RAB6A: variants seen among roughly 807,000 people sequenced by gnomAD.
RAB6A encodes RAB6A, member RAS oncogene family.
Under a neutral mutation model 32.3 loss-of-function variants are expected in RAB6A, and 8 were observed. The ratio of observed to expected loss-of-function variants is 0.25; its 90% CI spans 0.15 to 0.45. The LOEUF (loss-of-function observed/expected upper bound fraction) is 0.45. RAB6A is among the 20% of genes least tolerant of loss of function. RAB6A has a pLI of 1.00. For synonymous variants in RAB6A, 73 were observed against 82.1 expected, an observed-to-expected ratio of 0.89 and a Z score of 0.60; for missense variants, 104 against 249.4, an observed-to-expected ratio of 0.42 and a Z score of 3.93.
intron 1 of RAB6A, among the ~76,000 whole-genome samples, chr11:73,745,751 G>A (rs528124405): frequency 3.3e-5 from 5 of 152,020 alleles, no homozygotes; most frequent in Non-Finnish European, 7.4e-5. Context: ...AAAACTGCTC[G>A]AACCCGGGAG....
chr11:73,760,819 G>C lies in RAB6A; in HGVS notation c.-184C>G. 1.2e-6 allele frequency: 1 copy of C among 818,380 alleles called. No individual in the cohort carries two copies. Among genetic ancestry groups the C allele is most frequent in the Non-Finnish European group, 1.9e-6 (1 of 527,876 alleles). The allele number at this position is 818,380 out of a possible 1,614,324, so 50.7% of individuals were successfully genotyped here. ...TCTCCACAGACTGGCAGCCGCCGCC[G>C]CCTCCCGGCAGAGTAGCCTAGCACC... On this transcript the variant is annotated 5_prime_UTR_variant, in exon 1 of 8. Coordinates refer to ENST00000336083, the MANE Select transcript of RAB6A (RefSeq NM_198896.2).
chr11:73,683,289 T>G (rs1391770800), intron 6 of RAB6A, among the ~76,000 whole-genome samples: 1 of 143,942 alleles, frequency 6.9e-6, no homozygotes, highest in Admixed American at 7.3e-5. Context: ...ATGGTCTTGC[T>G]CTGTCACCCA....
At chr11:73,744,459 T>G (rs922323065) in intron 1 of RAB6A, among the ~76,000 whole-genome samples, 18 of 129,888 alleles carry the variant, frequency 1.4e-4, no homozygotes, top group African/African-American at 4.5e-4. Flanking sequence ...TGTAGTATAC[T>G]GTGATGACAC....
intron 6 of RAB6A, among the ~76,000 whole-genome samples, chr11:73,692,987 CA>C (rs914543199): frequency 6.8e-6 from 1 of 148,038 alleles, no homozygotes; most frequent in East Asian, 2.0e-4. Context: ...AACAAAAAAA[CA>C]AAAAACAAAA....
chr11:73,731,753 C>CT (rs1213519859), intron 1 of RAB6A, among the ~76,000 whole-genome samples: 7 of 106,216 alleles, frequency 6.6e-5, no homozygotes, highest in East Asian at 2.7e-4. Flanking sequence ...CACATATTTT[C>CT]TTTTTTTTTT....
intron 6 of RAB6A, chr11:73,704,187 G>C (rs926378294): frequency 4.6e-6 from 2 of 437,602 alleles, no homozygotes; most frequent in Admixed American, 2.4e-5. Flanking sequence ...TTCAAGACTA[G>C]CCTGGGCAAC....
At chr11:73,727,440 AAAG>A (rs1946239477) in intron 2 of RAB6A, among the ~76,000 whole-genome samples, 1 of 151,678 alleles carries the variant, frequency 6.6e-6, no homozygotes, top group African/African-American at 2.4e-5. Flanking sequence ...AAAAAAAAAA[AAAG>A]AACTTTTTTT....
chr11:73,748,622 A>T (rs1000546428), intron 1 of RAB6A, among the ~76,000 whole-genome samples: 19 of 152,242 alleles, frequency 1.2e-4, no homozygotes, highest in African/African-American at 4.1e-4. Context: ...GCTATGTAAC[A>T]GCTAACAGGG....
chr11:73,732,709 G>C (rs1946335134), intron 1 of RAB6A, among the ~76,000 whole-genome samples: 1 of 152,184 alleles, frequency 6.6e-6, no homozygotes, highest in African/African-American at 2.4e-5. Flanking sequence ...GCAGTGAGCT[G>C]AGAGTGCACC....
rs1945275299 is a variant in RAB6A, at chr11:73,676,777, T to C, written c.*1121A>G. 1 of 167,128 alleles carries C rather than the reference T, an allele frequency of 6.0e-6. No individual in the cohort carries two copies. The highest frequency in any genetic ancestry group is 2.4e-5 in the African/African-American group (1 of 41,464). The allele number at this position is 167,128 out of a possible 1,614,324, so 10.4% of individuals were successfully genotyped here. ...GTCTTCAATTTGACCTCAAATGTCC[T>C]GAGCAAAGTTTTTGTTATTCTGCTG... On this transcript the variant is annotated 3_prime_UTR_variant, in exon 8 of 8. Coordinates refer to ENST00000336083, the MANE Select transcript of RAB6A (RefSeq NM_198896.2).
chr11:73,699,423 G>A (rs1454470875), intron 6 of RAB6A, among the ~76,000 whole-genome samples: 1 of 152,062 alleles, frequency 6.6e-6, no homozygotes, highest in Non-Finnish European at 1.5e-5. Context: ...CACTCAACCA[G>A]AGCTAGGTAA....
chr11:73,744,511 CAAAAAAAAAAAAAAAAAAAAAAAAAAA>C (rs555388622), intron 1 of RAB6A, among the ~76,000 whole-genome samples: 4 of 63,772 alleles, frequency 6.3e-5, no homozygotes, highest in Non-Finnish European at 1.1e-4. Flanking sequence ...ACCCTGTCTC[CAAAAAAAAAAAAAAAAAAAAAAAAAAA>C]AAAAAAAAAG....
At chr11:73,752,616 G>A (rs1050362339) in intron 1 of RAB6A, among the ~76,000 whole-genome samples, 13 of 152,216 alleles carry the variant, frequency 8.5e-5, no homozygotes, top group African/African-American at 2.9e-4. Flanking sequence ...TCAGGAATTC[G>A]AGATGAGCCT....
intron 1 of RAB6A, among the ~76,000 whole-genome samples, chr11:73,750,101 G>A (rs1946651675): frequency 6.6e-6 from 1 of 152,204 alleles, no homozygotes; most frequent in South Asian, 2.1e-4. Context: ...TACGAAGGTA[G>A]ACGTCAGACC....
chr11:73,717,803 C>T (rs1946073898), intron 4 of RAB6A, among the ~76,000 whole-genome samples: 1 of 152,160 alleles, frequency 6.6e-6, no homozygotes, highest in African/African-American at 2.4e-5. Context: ...GAGTTCAAGA[C>T]CCTGGTTTTC....
At chr11:73,692,476 C>G (rs1383249447) in intron 6 of RAB6A, among the ~76,000 whole-genome samples, 1 of 127,934 alleles carries the variant, frequency 7.8e-6, no homozygotes, top group Admixed American at 9.1e-5. Context: ...GCACTCCGGC[C>G]TGAGCGACAG....
intron 7 of RAB6A, 144 bp from the exon 8 acceptor site, chr11:73,678,106 T>C: frequency 1.2e-6 from 1 of 815,038 alleles, no homozygotes; most frequent in Non-Finnish European, 2.0e-6. Context: ...CCTCACCATA[T>C]AAGGTGCTCA....
intron 6 of RAB6A, among the ~76,000 whole-genome samples, chr11:73,698,354 T>C (rs1328817038): frequency 2.0e-5 from 3 of 152,214 alleles, no homozygotes; most frequent in Non-Finnish European, 2.9e-5. Context: ...TGGAACTAAA[T>C]AGACCTGGGC....
intron 6 of RAB6A, among the ~76,000 whole-genome samples, chr11:73,698,782 C>A (rs1366580376): frequency 2.0e-5 from 3 of 151,674 alleles, no homozygotes; most frequent in African/African-American, 7.3e-5. Context: ...TTTCTTCTTC[C>A]TAGAAGCATC....
Sources: gnomAD v4.1 joint callset for allele counts (sites outside exome capture counted in the v4.1 genomes callset) on GRCh38, gnomAD v4.1.1 for gene constraint, MANE v1.5 for transcripts, NCBI Gene and HGNC (gene_info 2026-07-23, HGNC 2026-07-21) for gene names.